Variants in EHBP1 observed in about 807,000 individuals in gnomAD.
The protein encoded by EHBP1 is EH domain binding protein 1.
In EHBP1, 55 loss-of-function variants were observed where a neutral mutation model predicts 144.0. That is an observed-to-expected ratio of 0.38 (90% confidence interval 0.31 to 0.48). The LOEUF (loss-of-function observed/expected upper bound fraction) is 0.48. Ranked by LOEUF, EHBP1 falls within the 20% of genes least tolerant of loss-of-function variation. The pLI, the probability that EHBP1 is intolerant of heterozygous loss-of-function variation, is 0.98. For synonymous variants in EHBP1, 469 were observed against 472.7 expected, an observed-to-expected ratio of 0.99 and a Z score of 0.10; for missense variants, 1,200 against 1,364.2, an observed-to-expected ratio of 0.88 and a Z score of 1.90.
At chr2:63,015,117 A>AT (rs2060430690) in intron 19 of EHBP1, among the ~76,000 whole-genome samples, 1 of 152,238 alleles carries the variant, frequency 6.6e-6, no homozygotes, top group African/African-American at 2.4e-5. Flanking sequence ...TGTTTCTCAC[A>AT]TTTAACACAT....
At chr2:62,985,711 TC>T (rs1220848090) in intron 15 of EHBP1, among the ~76,000 whole-genome samples, 7 of 152,198 alleles carry the variant, frequency 4.6e-5, no homozygotes, top group Non-Finnish European at 8.8e-5. Flanking sequence ...TGTAAAGCCC[TC>T]CCCTCAATTG....
chr2:62,872,732 C>T (rs1366920744), intron 9 of EHBP1, among the ~76,000 whole-genome samples: 3 of 152,104 alleles, frequency 2.0e-5, no homozygotes, highest in African/African-American at 7.2e-5. Flanking sequence ...AAACCTCATA[C>T]CTATTAACAT....
At chr2:62,823,272 T>C (rs762900001) in intron 5 of EHBP1, among the ~76,000 whole-genome samples, 2 of 152,122 alleles carry the variant, frequency 1.3e-5, no homozygotes, top group South Asian at 2.1e-4. Context: ...GAACTGATGT[T>C]TAAACATAGG....
At chr2:63,035,040 T>C (rs1404576691) in intron 19 of EHBP1, among the ~76,000 whole-genome samples, 2 of 152,054 alleles carry the variant, frequency 1.3e-5, no homozygotes, top group Admixed American at 1.3e-4. Context: ...TTTAATATTT[T>C]TTGTTACTTA....
intron 10 of EHBP1, among the ~76,000 whole-genome samples, chr2:62,905,204 C>G (rs915231606): frequency 6.6e-6 from 1 of 152,054 alleles, no homozygotes; most frequent in Non-Finnish European, 1.5e-5. Context: ...TCATAGAAAG[C>G]CTGTCTATGG....
intron 5 of EHBP1, among the ~76,000 whole-genome samples, chr2:62,773,253 C>A (rs140833374): frequency 0.011 from 1,673 of 152,248 alleles, 11 homozygotes; most frequent in Non-Finnish European, 0.019. Flanking sequence ...ACATTAATTT[C>A]TTTCTGCCAA....
chr2:62,977,890 T>C (rs568868991), intron 14 of EHBP1, among the ~76,000 whole-genome samples: 1 of 152,272 alleles, frequency 6.6e-6, no homozygotes, highest in South Asian at 2.1e-4. Flanking sequence ...AGGGGAGGTT[T>C]GGTGGATTTA....
chr2:62,943,376 CAA>C (rs11306610), intron 11 of EHBP1, among the ~76,000 whole-genome samples: 12,800 of 87,784 alleles, frequency 0.15, 369 homozygotes, highest in Admixed American at 0.2. Flanking sequence ...AACTCCGTCT[CAA>C]AAAAAAAAAA....
At chr2:62,925,277 G>A (rs906785311) in intron 10 of EHBP1, among the ~76,000 whole-genome samples, 1 of 151,826 alleles carries the variant, frequency 6.6e-6, no homozygotes, top group African/African-American at 2.4e-5. Context: ...AGCTTTTTCT[G>A]TCAGAAGTGG....
At chr2:62,690,919 G>A (rs1256277895) in intron 1 of EHBP1, among the ~76,000 whole-genome samples, 1 of 152,212 alleles carries the variant, frequency 6.6e-6, no homozygotes, top group African/African-American at 2.4e-5. Context: ...CCAGGGAGAG[G>A]AGACAGGTGC....
intron 19 of EHBP1, among the ~76,000 whole-genome samples, chr2:63,019,343 G>GT (rs1273072489): frequency 1.3e-5 from 2 of 152,234 alleles, no homozygotes; most frequent in Non-Finnish European, 2.9e-5. Flanking sequence ...TTTAAAATCA[G>GT]TAAGATCCCA....
chr2:62,786,984 C>T (rs539806366), intron 5 of EHBP1, among the ~76,000 whole-genome samples: 178 of 152,284 alleles, frequency 1.2e-3, no homozygotes, highest in Non-Finnish European at 1.7e-3. Flanking sequence ...CTGCTATGTT[C>T]CTTGTTAGAC....
At chr2:62,776,228 G>A (rs373897038) in intron 5 of EHBP1, among the ~76,000 whole-genome samples, 20 of 152,148 alleles carry the variant, frequency 1.3e-4, no homozygotes, top group East Asian at 5.8e-4. Context: ...TGATTTCTCC[G>A]TTTTGTCTGA....
chr2:62,980,064 C>T (rs2058894122), intron 15 of EHBP1, among the ~76,000 whole-genome samples: 1 of 152,106 alleles, frequency 6.6e-6, no homozygotes, highest in South Asian at 2.1e-4. Context: ...CTGAGTTAAT[C>T]TTAGAATGCA....
rs1465769937 is a variant in EHBP1 at position 62,801,297 on chromosome 2, C to T, written c.313-24790C>T. Among the ~76,000 whole-genome samples the T allele has an allele frequency of 2.0e-5, 3 of 152,204 alleles. No individual in the cohort carries two copies. The East Asian group carries it at 5.8e-4, about 29-fold the overall frequency. On this transcript the variant is annotated intron_variant, in intron 5 of 22. Transcript: ENST00000431489. The stretch of plus-strand genomic sequence containing the variant: ...GCTTCTGGAGTATAGCCGTCTGATA[C>T]AGTGCTCCCTTGACATGGCTCCTCA...
At chr2:62,824,703 C>T (rs560483064) in intron 5 of EHBP1, among the ~76,000 whole-genome samples, 1 of 151,958 alleles carries the variant, frequency 6.6e-6, no homozygotes, top group South Asian at 2.1e-4. Context: ...TATTGCTGTG[C>T]ATAATCTGAC....
intron 1 of EHBP1, among the ~76,000 whole-genome samples, chr2:62,674,848 G>A (rs1466176476): frequency 2.6e-5 from 4 of 152,140 alleles, no homozygotes; most frequent in Non-Finnish European, 5.9e-5. Context: ...CCAGGCTGAT[G>A]TTAAATTCCT....
Position 62,826,094 on chromosome 2 carries a change from C to T in EHBP1, c.320C>T (p.Pro107Leu), listed in dbSNP as rs1375566392. The change falls in exon 6 of 23, where the codon CCT (proline) becomes CTT (leucine). Residue 107 changes from proline (P) to leucine (L), a missense_variant. Transcript: ENST00000431489. Reference sequence around the variant, plus strand: ...TTTTCTTTAATCTTCCAGGAATCCCCTTCTGGTCGAAGGAAAGCTCTTGCT... The same window carrying T: ...TTTTCTTTAATCTTCCAGGAATCCCTTTCTGGTCGAAGGAAAGCTCTTGCT... Reference protein sequence around the residue: ...EWTFVIENESPSGRRKALATS... With the variant: ...EWTFVIENESLSGRRKALATS... 1 of 1,477,444 alleles carries T rather than the reference C, an allele frequency of 6.8e-7. No homozygotes were observed. The highest frequency in any genetic ancestry group is 1.4e-5 in the African/African-American group (1 of 69,116). 91.5% of individuals were successfully genotyped at this position (1,477,444 alleles called of 1,614,324 possible).
chr2:63,039,474 A>G (rs1393989500), intron 21 of EHBP1, among the ~76,000 whole-genome samples: 1 of 152,112 alleles, frequency 6.6e-6, no homozygotes, highest in African/African-American at 2.4e-5. Flanking sequence ...CTTATATCTC[A>G]GTTGAAAATG....
Sources: gnomAD v4.1 joint callset for allele counts (sites outside exome capture counted in the v4.1 genomes callset) on GRCh38, gnomAD v4.1.1 for gene constraint, MANE v1.5 for transcripts, NCBI Gene and HGNC (gene_info 2026-07-23, HGNC 2026-07-21) for gene names.